Variants in SFSWAP observed in about 807,000 individuals in gnomAD.
SFSWAP encodes splicing factor SWAP, also known as splicing factor, suppressor of white-apricot homolog.
Under a neutral mutation model 100.7 loss-of-function variants are expected in SFSWAP, and 17 were observed. That is an observed-to-expected ratio of 0.17 (90% CI 0.12 to 0.25). The LOEUF (loss-of-function observed/expected upper bound fraction) is 0.25, where lower values mean the gene tolerates loss of function less well. Ranked by LOEUF, SFSWAP falls within the 10% of genes least tolerant of loss-of-function variation. The pLI, the probability that SFSWAP is intolerant of heterozygous loss-of-function variation, is 1.00. For synonymous variants in SFSWAP, 504 were observed against 510.1 expected (o/e 0.99, Z 0.16); for missense variants, 1,005 against 1,262.6 (o/e 0.80, Z 3.09).
chr12:131,714,368 G>A lies in SFSWAP; in HGVS notation c.388+128G>A, dbSNP rs1229903693. The stretch of plus-strand genomic sequence containing the variant: ...TTATCTTGACAGTACCCAGTGGATT[G>A]GAAAAACAGGAGTCTTTGCGTTCTG... On this transcript the variant is annotated intron_variant, in intron 2 of 17. Coordinates refer to ENST00000261674, the MANE Select transcript of SFSWAP (RefSeq NM_004592.4). The surrounding 1 kb of genome is among the most constrained non-coding windows in gnomAD (Gnocchi z 6.0). 1 of 747,474 alleles carries A rather than the reference G, an allele frequency of 1.3e-6. No homozygotes were observed. The highest frequency in any genetic ancestry group is 2.7e-5 in the East Asian group (1 of 36,772). The allele number at this position is 747,474 out of a possible 1,614,324, so 46.3% of individuals were successfully genotyped here. A position where few individuals can be genotyped will look rare whatever the true frequency, so the allele number is the denominator to read the frequency against.
At chr12:131,755,159 TAA>T (rs1882038897) in intron 9 of SFSWAP, among the ~76,000 whole-genome samples, 2 of 152,170 alleles carry the variant, frequency 1.3e-5, no homozygotes, top group African/African-American at 4.8e-5. Flanking sequence ...TCAGTACTAA[TAA>T]AACGTAAAGA....
At position 131,755,853 on chromosome 12, in the gene SFSWAP, G is replaced by A. The variant is rs559649162; in HGVS notation, c.1548+374G>A. ...TGAAATATATAAAATATAAGTGGGCGCCTCATGCCTGGCCAGCTGGTGCTG... is the reference window on the plus strand; with the variant it reads ...TGAAATATATAAAATATAAGTGGGCACCTCATGCCTGGCCAGCTGGTGCTG... On this transcript the variant is annotated intron_variant, in intron 10 of 17. Coordinates refer to ENST00000261674, the MANE Select transcript of SFSWAP (RefSeq NM_004592.4). Among the ~76,000 whole-genome samples the A allele has an allele frequency of 9.2e-5, 14 of 152,326 alleles. 1 individual carries two copies. In the South Asian group the frequency reaches 2.1e-3, roughly 23 times the overall value.
intron 13 of SFSWAP, 130 bp from the exon 14 acceptor site, chr12:131,777,935 A>G: frequency 7.0e-7 from 1 of 1,437,838 alleles, no homozygotes. Flanking sequence ...GGATAGCCAC[A>G]GGAGGAGACT....
intron 7 of SFSWAP, among the ~76,000 whole-genome samples, chr12:131,739,864 T>C (rs976596051): frequency 1.3e-5 from 2 of 152,164 alleles, no homozygotes; most frequent in Non-Finnish European, 2.9e-5. Flanking sequence ...ACTTTTAGTT[T>C]TATGGTTGAC....
intron 10 of SFSWAP, among the ~76,000 whole-genome samples, chr12:131,756,078 C>G (rs1200222453): frequency 6.6e-6 from 1 of 152,250 alleles, no homozygotes; most frequent in Non-Finnish European, 1.5e-5. Flanking sequence ...ATGGGCCTTA[C>G]TTCTCAGGAG....
chr12:131,776,067 A>C lies in SFSWAP; in HGVS notation c.2143-1998A>C, dbSNP rs184782495. ...CGGTGAGCTGAGATCACGCCACTGCACTCCACCCCGGCAACAGAGCAAGAC... is the reference window on the plus strand; with the variant it reads ...CGGTGAGCTGAGATCACGCCACTGCCCTCCACCCCGGCAACAGAGCAAGAC... On this transcript the variant is annotated intron_variant, in intron 13 of 17. Coordinates refer to ENST00000261674, the MANE Select transcript of SFSWAP (RefSeq NM_004592.4). Among the ~76,000 whole-genome samples the C allele has an allele frequency of 2.6e-5, 4 of 152,256 alleles. No homozygotes were observed. The East Asian group carries it at 7.7e-4, about 29-fold the overall frequency.
chr12:131,735,047 C>T (rs1325098900), intron 7 of SFSWAP, among the ~76,000 whole-genome samples: 1 of 152,174 alleles, frequency 6.6e-6, no homozygotes, highest in African/African-American at 2.4e-5. Context: ...GAGGCAGCAG[C>T]AGAGCAATGT....
At chr12:131,767,604 T>C (rs187087844) in intron 13 of SFSWAP, among the ~76,000 whole-genome samples, 18 of 152,334 alleles carry the variant, frequency 1.2e-4, no homozygotes, top group Admixed American at 3.3e-4. Context: ...TTAGAATGGG[T>C]TTACATCTAC....
At chr12:131,727,149 C>T in intron 6 of SFSWAP, 97 bp downstream of exon 6, 1 of 722,770 alleles carries the variant, frequency 1.4e-6, no homozygotes, top group South Asian at 1.6e-5. Flanking sequence ...TTGTGTGTTA[C>T]AGTTGTATCT....
chr12:131,714,840 T>A lies in SFSWAP; in HGVS notation c.407T>A (p.Leu136Ter). ...ATTCAAGAGGAAGAATACAAGCGAT[T>A]GAGTGAAGCACTAGCAGAGGATGGG... is the stretch of plus-strand genomic sequence containing the variant. Reference protein sequence around the residue: ...EARQEEEYKRLSEALAEDGSY... With the variant: ...EARQEEEYKR Residue 136 changes from leucine to a stop codon, truncating the protein, a stop_gained, in exon 3 of 18, where the codon TTG becomes TAG. Coordinates refer to ENST00000261674, the MANE Select transcript of SFSWAP (RefSeq NM_004592.4). LOFTEE classifies it high-confidence loss of function. The surrounding 1 kb of genome is among the most constrained non-coding windows in gnomAD (Gnocchi z 6.0). The A allele has an allele frequency of 6.2e-7, 1 of 1,614,082 alleles. No homozygotes were observed. The highest frequency in any genetic ancestry group is 8.5e-7 in the Non-Finnish European group (1 of 1,179,928).
chr12:131,745,270 G>A (rs1881005918), intron 7 of SFSWAP, among the ~76,000 whole-genome samples: 1 of 152,196 alleles, frequency 6.6e-6, no homozygotes. Flanking sequence ...GTTATAGAGA[G>A]CTAGTAGATA....
In SFSWAP at chr12:131,786,466, C is replaced by T. The variant is rs1274446798; in HGVS notation, c.2412C>T (p.Ser804=). The change falls in exon 15 of 18, where the codon TCC becomes TCT. Residue 804 remains serine, a synonymous_variant. Coordinates refer to ENST00000261674, the MANE Select transcript of SFSWAP (RefSeq NM_004592.4). ...SAYRTVRRSR[S]RSRSPRRRAH... is the part of the protein sequence containing the mutation. ...CACTGCCTCCTCCCCTGTCCAGGTC[C>T]CGCTCCCGGTCCCCTCGGAGGAGAG... 2 of 1,586,468 alleles carry T rather than the reference C, an allele frequency of 1.3e-6. No homozygotes were observed. Among genetic ancestry groups the T allele is most frequent in the Admixed American group, 3.6e-5 (2 of 56,226 alleles).
intron 11 of SFSWAP, among the ~76,000 whole-genome samples, chr12:131,757,683 C>A (rs993545795): frequency 3.9e-5 from 6 of 152,062 alleles, no homozygotes; most frequent in Non-Finnish European, 7.4e-5. Context: ...CATAAAGATG[C>A]CTTGTTGTAT....
Position 131,799,123 on chromosome 12 carries a change from C to T in SFSWAP, c.2790+14C>T. The T allele has an allele frequency of 6.2e-7, 1 of 1,603,258 alleles. No individual in the cohort carries two copies. The highest frequency in any genetic ancestry group is 2.2e-5 in the East Asian group (1 of 44,840). ...AAAATCACTCAGGTCAGTGGGCACG[C>T]CCCCCTCCCGCTCCCAGCCTTTCAT... On this transcript the variant is annotated intron_variant, in intron 17 of 17. Coordinates refer to ENST00000261674, the MANE Select transcript of SFSWAP (RefSeq NM_004592.4).
chr12:131,766,941 G>T (rs536859539), intron 13 of SFSWAP, among the ~76,000 whole-genome samples: 1 of 152,180 alleles, frequency 6.6e-6, no homozygotes, highest in Non-Finnish European at 1.5e-5. Flanking sequence ...GTGCCAAGGG[G>T]ATTGCTCCCT....
chr12:131,771,597 C>T (rs1380033956), intron 13 of SFSWAP, among the ~76,000 whole-genome samples: 3 of 150,196 alleles, frequency 2.0e-5, no homozygotes, highest in Non-Finnish European at 4.4e-5. Flanking sequence ...GCAGCATCTG[C>T]TTTAACTTAC....
Position 131,711,707 on chromosome 12 carries a change from C to G in SFSWAP, c.218+260C>G. ...CTCTGGTCCCGCAGCCCCTCTCGACCCCTCACCCTGTCGCTGGGCTGCAGT... is the reference window on the plus strand; with the variant it reads ...CTCTGGTCCCGCAGCCCCTCTCGACGCCTCACCCTGTCGCTGGGCTGCAGT... On this transcript the variant is annotated intron_variant, in intron 1 of 17. Coordinates refer to ENST00000261674, the MANE Select transcript of SFSWAP (RefSeq NM_004592.4). This position sits in a 1 kb window ranked among gnomAD's most constrained non-coding sequence, Gnocchi z 4.9. 1 of 463,280 alleles carries G rather than the reference C, an allele frequency of 2.2e-6. No individual in the cohort carries two copies. The highest frequency in any genetic ancestry group is 3.9e-6 in the Non-Finnish European group (1 of 255,924). The allele number at this position is 463,280 out of a possible 1,614,324, so 28.7% of individuals were successfully genotyped here.
Position 131,754,348 on chromosome 12 carries a change from C to T in SFSWAP, c.1323-20C>T. 1 of 1,513,462 alleles carries T rather than the reference C, an allele frequency of 6.6e-7. No individual in the cohort carries two copies. Among genetic ancestry groups the T allele is most frequent in the Non-Finnish European group, 8.8e-7 (1 of 1,131,028 alleles). 93.8% of individuals were successfully genotyped at this position (1,513,462 alleles called of 1,614,324 possible). On this transcript the variant is annotated intron_variant, in intron 8 of 17. Coordinates refer to ENST00000261674, the MANE Select transcript of SFSWAP (RefSeq NM_004592.4). Reference sequence around the variant, plus strand: ...GCGAGCCCCTGAAGCCCAGGGGTCTCACAGACTCTTCTCCTGCAGTGCACT... The same window carrying T: ...GCGAGCCCCTGAAGCCCAGGGGTCTTACAGACTCTTCTCCTGCAGTGCACT...
At chr12:131,759,225 A>T (rs1474899970) in intron 11 of SFSWAP, among the ~76,000 whole-genome samples, 1 of 152,226 alleles carries the variant, frequency 6.6e-6, no homozygotes, top group African/African-American at 2.4e-5. Context: ...TAAGTGCTGA[A>T]ATTATTTCAT....
Sources: gnomAD v4.1 joint callset for allele counts (sites outside exome capture counted in the v4.1 genomes callset) on GRCh38, gnomAD v4.1.1 for gene constraint, Gnocchi (gnomAD v3.1) non-coding constraint, MANE v1.5 for transcripts, NCBI Gene and HGNC (gene_info 2026-07-23, HGNC 2026-07-21) for gene names.